Variants in CYFIP1 observed in about 807,000 individuals in gnomAD.
CYFIP1 encodes cytoplasmic FMR1 interacting protein 1, also known as cytoplasmic FMR1-interacting protein 1.
In CYFIP1, 58 loss-of-function variants were observed where a neutral mutation model predicts 163.5. That is an observed-to-expected ratio of 0.35 (90% CI 0.29 to 0.44). CYFIP1 has a LOEUF of 0.44. Among genes scored for constraint, CYFIP1 ranks in the 20% least tolerant of loss-of-function variants. The pLI is 1.00. For missense variants in CYFIP1, 1,338 were observed against 1,653.8 expected (o/e 0.81, Z 3.31); for synonymous variants, 663 against 660.7 (o/e 1.00, Z -0.05).
intron 1 of CYFIP1, among the ~76,000 whole-genome samples, chr15:22,977,551 G>C (rs6606801): frequency 0.92 from 139,764 of 152,270 alleles, 64,264 homozygotes; most frequent in African/African-American, 0.98. Flanking sequence ...TATGTTTTGG[G>C]TGGGCGCGGT....
chr15:22,906,574 T>G (rs2060591311), intron 21 of CYFIP1, among the ~76,000 whole-genome samples: 1 of 149,978 alleles, frequency 6.7e-6, no homozygotes, highest in Non-Finnish European at 1.5e-5. Context: ...CACGCCATTC[T>G]CCTGCCTCAG....
chr15:22,980,396 C>G (rs1052336825), upstream of CYFIP1: 1 of 151,922 alleles, frequency 6.6e-6, no homozygotes, highest in African/African-American at 2.4e-5. Flanking sequence ...GCCTCCTCCC[C>G]TTCCTCCCGG....
chr15:22,914,662 A>G, intron 17 of CYFIP1, 64 bp downstream of exon 17: 2 of 1,505,468 alleles, frequency 1.3e-6, no homozygotes, highest in Admixed American at 4.2e-5. Context: ...CCTCTCCGCC[A>G]CCTCCTCTGA....
At chr15:22,964,188 G>A (rs74619179) in intron 1 of CYFIP1, among the ~76,000 whole-genome samples, 2,689 of 140,022 alleles carry the variant, frequency 0.019, 76 homozygotes, top group African/African-American at 0.068. Context: ...TCTGGAGCAA[G>A]AGCAGCTACT....
chr15:22,927,209 G>A (rs563339570), intron 12 of CYFIP1, among the ~76,000 whole-genome samples: 1 of 152,216 alleles, frequency 6.6e-6, no homozygotes, highest in Non-Finnish European at 1.5e-5. Context: ...GCCAGGTGCG[G>A]TGGCTCAAGC....
At position 22,910,759 on chromosome 15, in the gene CYFIP1, A is replaced by G; in HGVS notation, c.2137T>C (p.Tyr713His). ...CACCTTCCTGCCATAACCTTATAAT[A>G]GGCAAATATCTGGTCTGCTAGCTTG... ...VYKLADQIFA[Y>H]YKVMAGSLLL... The change falls in exon 19 of 31, where the codon TAT becomes CAT. Residue 713 changes from tyrosine to histidine, a missense_variant. Tyr to His is a moderately conservative substitution (Grantham distance 83, BLOSUM62 2). This residue lies in a region of CYFIP1 where 824 missense variants were observed against 995.7 expected (regional missense o/e 0.83). Coordinates refer to ENST00000617928, the MANE Select transcript of CYFIP1 (RefSeq NM_014608.6). The G allele has an allele frequency of 6.2e-7, 1 of 1,613,932 alleles. No homozygotes were observed. The highest frequency in any genetic ancestry group is 1.7e-5 in the Admixed American group (1 of 60,026).
intron 11 of CYFIP1, among the ~76,000 whole-genome samples, chr15:22,929,655 G>A (rs1355773119): frequency 1.7e-5 from 2 of 118,464 alleles, no homozygotes; most frequent in African/African-American, 3.2e-5. Flanking sequence ...AAAAAAAAAG[G>A]CCAGGCACGG....
intron 26 of CYFIP1, among the ~76,000 whole-genome samples, chr15:22,875,625 C>T (rs573442503): frequency 1.3e-5 from 2 of 152,184 alleles, no homozygotes; most frequent in South Asian, 4.1e-4. Context: ...TCGCCCCATC[C>T]TTCCCTGCTA....
At chr15:22,969,119 G>C (rs928706261) in intron 1 of CYFIP1, among the ~76,000 whole-genome samples, 1 of 152,174 alleles carries the variant, frequency 6.6e-6, no homozygotes, top group Non-Finnish European at 1.5e-5. Context: ...ACTGCTTTCA[G>C]AGTGTTTTGG....
At chr15:22,884,607 C>G (rs1307213706) in intron 23 of CYFIP1, among the ~76,000 whole-genome samples, 1 of 152,148 alleles carries the variant, frequency 6.6e-6, no homozygotes, top group Non-Finnish European at 1.5e-5. Flanking sequence ...TGTGGCTTTT[C>G]CAGGTACACA....
chr15:22,958,558 T>C (rs867953569), intron 1 of CYFIP1, among the ~76,000 whole-genome samples: 1 of 152,208 alleles, frequency 6.6e-6, no homozygotes, highest in African/African-American at 2.4e-5. Flanking sequence ...CCACGCCACA[T>C]GGCCTCCGCC....
chr15:22,885,599 G>A (rs2059907186), intron 23 of CYFIP1, among the ~76,000 whole-genome samples: 2 of 152,162 alleles, frequency 1.3e-5, no homozygotes, highest in African/African-American at 4.8e-5. Context: ...TGGGCATGGT[G>A]GTGGGCACCT....
chr15:22,936,008 A>AG (rs1217953062), intron 9 of CYFIP1, among the ~76,000 whole-genome samples: 1 of 152,218 alleles, frequency 6.6e-6, no homozygotes, highest in Non-Finnish European at 1.5e-5. Context: ...GCAGTGGCTC[A>AG]GGCCTGTAAT....
chr15:22,943,134 C>T, intron 6 of CYFIP1, 39 bp downstream of exon 6: 2 of 1,599,816 alleles, frequency 1.3e-6, no homozygotes, highest in Non-Finnish European at 1.7e-6. Context: ...GAGCTGGGTG[C>T]TCTCGGGAGG....
intron 4 of CYFIP1, 53 bp downstream of exon 4, chr15:22,944,809 G>C: frequency 6.3e-7 from 1 of 1,580,004 alleles, no homozygotes; most frequent in East Asian, 2.2e-5. Context: ...GTGTGGTGTG[G>C]CAGGGGCCTG....
chr15:22,917,017 G>GCACC lies in CYFIP1; in HGVS notation c.1675-391_1675-388dup. ...GAGCCCAAGGACTCGGCCATGGTGC[G>GCACC]CACCAGGTAGAGCTAGACACGGACA... is the stretch of plus-strand genomic sequence containing the variant. On this transcript the variant is annotated intron_variant, in intron 15 of 30. Transcript: ENST00000617928. This position sits in a 1 kb window ranked among gnomAD's most constrained non-coding sequence, Gnocchi z 4.2. 6.5e-7 allele frequency: 1 copy of GCACC among 1,547,118 alleles called. No individual in the cohort carries two copies. The highest frequency in any genetic ancestry group is 8.7e-7 in the Non-Finnish European group (1 of 1,145,100).
intron 26 of CYFIP1, among the ~76,000 whole-genome samples, chr15:22,875,925 G>A (rs1423689897): frequency 8.0e-6 from 1 of 124,320 alleles, no homozygotes; most frequent in Non-Finnish European, 1.8e-5. Flanking sequence ...AGGATCATGA[G>A]GACAGCAGAA....
chr15:22,912,608 A>T (rs1369184449), intron 17 of CYFIP1, among the ~76,000 whole-genome samples: 1 of 152,150 alleles, frequency 6.6e-6, no homozygotes, highest in African/African-American at 2.4e-5. Context: ...AAAGAAAATT[A>T]TTTTCTTATT....
chr15:22,909,938 G>A (rs567821588), intron 20 of CYFIP1, among the ~76,000 whole-genome samples: 4 of 152,026 alleles, frequency 2.6e-5, no homozygotes, highest in Non-Finnish European at 5.9e-5. Context: ...TTCTTTTTAA[G>A]CTCTGGCTTT....
Sources: allele counts gnomAD v4.1 joint callset (sites outside exome capture counted in the v4.1 genomes callset), GRCh38; gene constraint gnomAD v4.1.1; regional missense constraint gnomAD v4.1.1; non-coding constraint Gnocchi (gnomAD v3.1); transcripts MANE v1.5; gene names NCBI Gene and HGNC (gene_info 2026-07-23, HGNC 2026-07-21).